The following ITGB6 variants were observed in gnomAD, a reference collection of about 807,000 sequenced individuals.
ITGB6 encodes integrin subunit beta 6, also known as integrin beta-6.
In ITGB6, 80 loss-of-function variants were observed where a neutral mutation model predicts 84.5. The observed-to-expected ratio is 0.95, with a 90% confidence interval of 0.79 to 1.14. The LOEUF is 1.14. Among genes scored for constraint, ITGB6 ranks in the 50% most tolerant of loss-of-function variants. ITGB6 has a pLI of 0.00. For synonymous variants in ITGB6, 383 were observed against 354.9 expected (o/e 1.08, Z -0.89); for missense variants, 1,006 against 968.0 (o/e 1.04, Z -0.52).
chr2:160,172,634 C>A lies in ITGB6; in HGVS notation c.856G>T (p.Val286Phe). ...TGACAGAGCCCGTCATTAGGAATGA[C>A]GATGCCTGCTAGTTTGCTGTCCATT... ...FGMDSKLAGI[V>F]IPNDGLCHLD... Residue 286 changes from valine to phenylalanine, a missense_variant, in exon 6 of 15, where the codon GTC becomes TTC. By Grantham distance (50) the Val-to-Phe change is conservative (BLOSUM62 -1). Transcript: ENST00000283249. 1 of 1,612,142 alleles carries A rather than the reference C, an allele frequency of 6.2e-7. No individual in the cohort carries two copies. Among genetic ancestry groups the A allele is most frequent in the Non-Finnish European group, 8.5e-7 (1 of 1,178,360 alleles).
chr2:160,104,949 G>A (rs1288366942), intron 14 of ITGB6, among the ~76,000 whole-genome samples: 1 of 146,576 alleles, frequency 6.8e-6, no homozygotes, highest in African/African-American at 2.4e-5. Context: ...AGGCCTGACT[G>A]TCCCTATTGT....
chr2:160,101,759 C>T lies in ITGB6; in HGVS notation c.2344G>A (p.Val782Ile), dbSNP rs760815776. 1 of 1,586,768 alleles carries T rather than the reference C, an allele frequency of 6.3e-7. No individual in the cohort carries two copies. The highest frequency in any genetic ancestry group is 8.7e-7 in the Non-Finnish European group (1 of 1,155,448). The change falls in exon 15 of 15, where the codon GTA becomes ATA. Residue 782 changes from valine to isoleucine, a missense_variant. Coordinates refer to ENST00000283249, the MANE Select transcript of ITGB6 (RefSeq NM_000888.5). ...TTCTAGCAATCTGTGGAAAGGTCTA[C>T]CTTTTGTTTTTCCCTGTGTTTATAA... ...VTYKHREKQK[V>I]DLSTDC
At position 160,101,712 on chromosome 2, in the gene ITGB6, AC is replaced by A. The variant is rs767253708; in HGVS notation, c.*23del. On this transcript the variant is annotated 3_prime_UTR_variant, in exon 15 of 15. Transcript: ENST00000283249. ...TTAACATTTCATATCAGTGAAACAG[AC>A]TTTTTTCATGCATAAAGTAGTTCTA... The A allele has an allele frequency of 3.2e-6, 4 of 1,258,114 alleles. No individual in the cohort carries two copies. In the South Asian group the frequency reaches 3.6e-5, roughly 11 times the overall value. The allele number at this position is 1,258,114 out of a possible 1,614,324, so 77.9% of individuals were successfully genotyped here.
At chr2:160,196,460 A>AG in intron 2 of ITGB6, 40 bp from the exon 3 acceptor site, 1 of 1,515,012 alleles carries the variant, frequency 6.6e-7, no homozygotes, top group Non-Finnish European at 9.0e-7. Flanking sequence ...GAAAAAGAAA[A>AG]CAAATCTGAA....
intron 12 of ITGB6, among the ~76,000 whole-genome samples, chr2:160,123,086 T>C (rs1683103833): frequency 3.3e-5 from 5 of 152,218 alleles, no homozygotes; most frequent in Non-Finnish European, 5.9e-5. Context: ...AATTATTGTT[T>C]AAAAGGTATT....
At chr2:160,115,118 T>C (rs899882509) in intron 12 of ITGB6, among the ~76,000 whole-genome samples, 11 of 151,716 alleles carry the variant, frequency 7.3e-5, no homozygotes, top group African/African-American at 2.7e-4. Flanking sequence ...CAGACTTAAA[T>C]GTCCCTGTCT....
chr2:160,132,103 T>A (rs1683491917), intron 10 of ITGB6, among the ~76,000 whole-genome samples: 1 of 152,148 alleles, frequency 6.6e-6, no homozygotes, highest in Non-Finnish European at 1.5e-5. Context: ...AGATTCCTAT[T>A]AGACATGCAA....
chr2:160,150,704 A>G (rs1301290682), intron 7 of ITGB6, among the ~76,000 whole-genome samples: 2 of 152,200 alleles, frequency 1.3e-5, no homozygotes, highest in South Asian at 4.1e-4. Flanking sequence ...TGTATTCAGG[A>G]GACACATTTC....
At chr2:160,143,430 C>T (rs1371802326) in intron 7 of ITGB6, among the ~76,000 whole-genome samples, 1 of 152,136 alleles carries the variant, frequency 6.6e-6, no homozygotes, top group Non-Finnish European at 1.5e-5. Flanking sequence ...ATGATTTCTA[C>T]CTTCTCCTTG....
chr2:160,199,745 T>C (rs1320457958), intron 1 of ITGB6, among the ~76,000 whole-genome samples: 1 of 152,220 alleles, frequency 6.6e-6, no homozygotes, highest in African/African-American at 2.4e-5. Context: ...TGGCACTAAG[T>C]TCCATTGGGC....
intron 13 of ITGB6, among the ~76,000 whole-genome samples, chr2:160,111,276 C>T (rs1473314872): frequency 1.3e-5 from 2 of 152,092 alleles, no homozygotes; most frequent in African/African-American, 2.4e-5. Context: ...TTCAAGATAA[C>T]TTGCTAAAGT....
In ITGB6 at chr2:160,172,551, A is replaced by T; in HGVS notation, c.921+18T>A. 1 of 1,573,680 alleles carries T rather than the reference A, an allele frequency of 6.4e-7. No homozygotes were observed. Among genetic ancestry groups the T allele is most frequent in the East Asian group, 2.3e-5 (1 of 44,018 alleles). On this transcript the variant is annotated intron_variant, in intron 6 of 14. Coordinates refer to ENST00000283249, the MANE Select transcript of ITGB6 (RefSeq NM_000888.5). ...CTACTTATAGCCCTGAAAACAGTACAGAGTGCAGGTTACACACCAAGACAG... is the reference window on the plus strand; with the variant it reads ...CTACTTATAGCCCTGAAAACAGTACTGAGTGCAGGTTACACACCAAGACAG...
intron 12 of ITGB6, 65 bp downstream of exon 12, chr2:160,123,726 G>A (rs1306103640): frequency 8.3e-7 from 1 of 1,211,130 alleles, no homozygotes; most frequent in East Asian, 2.3e-5. Flanking sequence ...ATTCACAGAG[G>A]GTCAAGAACT....
intron 7 of ITGB6, among the ~76,000 whole-genome samples, chr2:160,163,137 A>G (rs978646742): frequency 2.6e-5 from 4 of 152,050 alleles, no homozygotes; most frequent in African/African-American, 9.7e-5. Context: ...TAAACAACCC[A>G]CGGGGCAGAA....
chr2:160,161,916 T>C (rs1488319627), intron 7 of ITGB6, among the ~76,000 whole-genome samples: 1 of 152,230 alleles, frequency 6.6e-6, no homozygotes, highest in Non-Finnish European at 1.5e-5. Flanking sequence ...TGCAAAGATG[T>C]GCATGGCTGC....
chr2:160,126,628 T>G (rs1683257105), intron 10 of ITGB6, 27 bp from the exon 11 acceptor site: 1 of 1,596,910 alleles, frequency 6.3e-7, no homozygotes, highest in African/African-American at 1.3e-5. Context: ...TCTATGCTTC[T>G]CACAGCCCCA....
chr2:160,175,819 G>A (rs1048710053), intron 4 of ITGB6, among the ~76,000 whole-genome samples: 6 of 152,192 alleles, frequency 3.9e-5, no homozygotes, highest in Non-Finnish European at 7.3e-5. Context: ...AAATGTGATA[G>A]CCAGAGGCTC....
chr2:160,160,025 T>C (rs1367170882), intron 7 of ITGB6, among the ~76,000 whole-genome samples: 1 of 152,188 alleles, frequency 6.6e-6, no homozygotes, highest in South Asian at 2.1e-4. Context: ...ATTTGTAGAA[T>C]GAATGAACGA....
At chr2:160,122,459 C>T (rs1043427018) in intron 12 of ITGB6, among the ~76,000 whole-genome samples, 2 of 152,150 alleles carry the variant, frequency 1.3e-5, no homozygotes, top group African/African-American at 4.8e-5. Flanking sequence ...GCATTTTCTG[C>T]AATTTTTACG....
Sources: gnomAD v4.1 joint callset for allele counts (sites outside exome capture counted in the v4.1 genomes callset) on GRCh38, gnomAD v4.1.1 for gene constraint, MANE v1.5 for transcripts, NCBI Gene and HGNC (gene_info 2026-07-23, HGNC 2026-07-21) for gene names.